TAFA5: variants seen among roughly 807,000 people sequenced by gnomAD.
The protein encoded by TAFA5 is TAFA chemokine like family member 5.
In TAFA5, 6 loss-of-function variants were observed where a neutral mutation model predicts 15.3. That is an observed-to-expected ratio of 0.39 (90% confidence interval 0.21 to 0.77). The LOEUF is 0.77. Ranked by LOEUF, TAFA5 falls within the 30% of genes least tolerant of loss-of-function variation. The probability of loss-of-function intolerance (pLI) is 0.41; values close to 1 mark genes in which losing one functional copy is unlikely to be tolerated. For missense variants in TAFA5, 161 were observed against 193.1 expected, an observed-to-expected ratio of 0.83 and a Z score of 0.98; for synonymous variants, 103 against 80.7, an observed-to-expected ratio of 1.28 and a Z score of -1.48.
intron 1 of TAFA5, among the ~76,000 whole-genome samples, chr22:48,620,592 C>G (rs1050719915): frequency 6.6e-6 from 1 of 151,118 alleles, no homozygotes; most frequent in African/African-American, 2.4e-5. Flanking sequence ...TCCGTCCACC[C>G]ACCCCCCTAC....
At chr22:48,534,697 GC>G (rs1256749191) in intron 1 of TAFA5, among the ~76,000 whole-genome samples, 8 of 152,172 alleles carry the variant, frequency 5.3e-5, no homozygotes, top group Non-Finnish European at 1.2e-4. Context: ...GAGAGGCTGC[GC>G]CCCCTCCACT....
At chr22:48,503,394 T>C (rs1920964768) in intron 1 of TAFA5, among the ~76,000 whole-genome samples, 1 of 152,234 alleles carries the variant, frequency 6.6e-6, no homozygotes, top group Non-Finnish European at 1.5e-5. Context: ...GCCAAGCACA[T>C]TGTGGACGGG....
intron 1 of TAFA5, among the ~76,000 whole-genome samples, chr22:48,570,734 G>A (rs537838746): frequency 2.0e-5 from 3 of 152,206 alleles, no homozygotes; most frequent in South Asian, 2.1e-4. Context: ...TTTACATTTC[G>A]CTTTCTACTA....
intron 1 of TAFA5, among the ~76,000 whole-genome samples, chr22:48,526,013 T>C (rs6520008): frequency 0.28 from 42,598 of 152,196 alleles, 8,118 homozygotes; most frequent in African/African-American, 0.55. Flanking sequence ...GAATGTGTAC[T>C]GGGCACCAGC....
intron 3 of TAFA5, among the ~76,000 whole-genome samples, chr22:48,716,190 G>T (rs189835016): frequency 6.6e-6 from 1 of 152,246 alleles, no homozygotes; most frequent in East Asian, 1.9e-4. Context: ...GATGCCTCCA[G>T]CTTTGTTCTT....
intron 3 of TAFA5, among the ~76,000 whole-genome samples, chr22:48,709,826 C>T (rs368554990): frequency 5.3e-4 from 80 of 152,372 alleles, no homozygotes; most frequent in African/African-American, 1.9e-3. Flanking sequence ...GGCAGCCCTG[C>T]TGAGCCAGTG....
chr22:48,501,411 C>T (rs1920950980), intron 1 of TAFA5, among the ~76,000 whole-genome samples: 1 of 152,214 alleles, frequency 6.6e-6, no homozygotes, highest in Non-Finnish European at 1.5e-5. Context: ...AGACAGGCTC[C>T]AGCACCCGGG....
At chr22:48,561,786 A>C (rs1923240106) in intron 1 of TAFA5, among the ~76,000 whole-genome samples, 1 of 152,158 alleles carries the variant, frequency 6.6e-6, no homozygotes, top group African/African-American at 2.4e-5. Flanking sequence ...TGAGTCACTG[A>C]CCTGGGCTTT....
At chr22:48,715,133 G>GT (rs1302808096) in intron 3 of TAFA5, among the ~76,000 whole-genome samples, 2 of 152,172 alleles carry the variant, frequency 1.3e-5, no homozygotes, top group African/African-American at 4.8e-5. Flanking sequence ...CATGAACTTT[G>GT]GGGGCCCCCC....
intron 1 of TAFA5, among the ~76,000 whole-genome samples, chr22:48,577,696 C>G (rs776428610): frequency 9.6e-4 from 146 of 152,344 alleles, no homozygotes; most frequent in Non-Finnish European, 1.8e-3. Context: ...GGCCCGAGAC[C>G]CTGTGACCTC....
intron 1 of TAFA5, among the ~76,000 whole-genome samples, chr22:48,567,233 T>C (rs537575482): frequency 1.3e-5 from 2 of 152,346 alleles, no homozygotes; most frequent in East Asian, 1.9e-4. Context: ...GAGCCCTCAC[T>C]TGGGGAGAGC....
At chr22:48,634,197 C>T (rs117008702) in intron 1 of TAFA5, among the ~76,000 whole-genome samples, 37 of 151,812 alleles carry the variant, frequency 2.4e-4, no homozygotes, top group Admixed American at 1.3e-4. Flanking sequence ...CATCACTCAC[C>T]CATCACTCAC....
rs937983111 is a variant in TAFA5 at position 48,749,752 on chromosome 22, G to T, written c.391-87G>T. On this transcript the variant is annotated intron_variant, in intron 3 of 3. Coordinates refer to ENST00000402357, the MANE Select transcript of TAFA5 (RefSeq NM_001082967.3). The stretch of plus-strand genomic sequence containing the variant: ...CCCTCCAGGAGGCCGGCTGGCAGGA[G>T]CCGGGGAGGGAAGAGGAGCCTGTGT... 5 of 1,477,674 alleles carry T rather than the reference G, an allele frequency of 3.4e-6. No homozygotes were observed. The African/African-American group carries it at 7.0e-5, about 21-fold the overall frequency. The allele number at this position is 1,477,674 out of a possible 1,614,324, so 91.5% of individuals were successfully genotyped here.
intron 1 of TAFA5, among the ~76,000 whole-genome samples, chr22:48,627,294 G>C (rs1482006559): frequency 6.6e-6 from 1 of 152,226 alleles, no homozygotes; most frequent in Non-Finnish European, 1.5e-5. Flanking sequence ...TTGGTACAGT[G>C]AAGGATGTGT....
At chr22:48,494,043 G>C (rs924838624) in intron 1 of TAFA5, among the ~76,000 whole-genome samples, 1 of 152,212 alleles carries the variant, frequency 6.6e-6, no homozygotes. Flanking sequence ...CAAGAAGGAG[G>C]CTCCACCTGA....
At chr22:48,535,593 C>T (rs1922128904) in intron 1 of TAFA5, among the ~76,000 whole-genome samples, 1 of 151,986 alleles carries the variant, frequency 6.6e-6, no homozygotes, top group Non-Finnish European at 1.5e-5. Context: ...TAGATGCAAG[C>T]ATGCTGCACA....
At chr22:48,510,629 C>T (rs1921176331) in intron 1 of TAFA5, among the ~76,000 whole-genome samples, 1 of 152,234 alleles carries the variant, frequency 6.6e-6, no homozygotes, top group Non-Finnish European at 1.5e-5. Context: ...GGGAACCTGG[C>T]TGTGTCATTG....
chr22:48,702,065 GC>G (rs1336598621), intron 2 of TAFA5, among the ~76,000 whole-genome samples: 1 of 152,164 alleles, frequency 6.6e-6, no homozygotes, highest in East Asian at 1.9e-4. Context: ...GAGCCAGGTG[GC>G]CCCGGGGATG....
intron 1 of TAFA5, among the ~76,000 whole-genome samples, chr22:48,644,788 G>A (rs753710295): frequency 9.2e-5 from 14 of 152,166 alleles, no homozygotes; most frequent in Non-Finnish European, 2.1e-4. Flanking sequence ...AGAGCACCCG[G>A]GCATTGCCTG....
Sources: allele counts gnomAD v4.1 joint callset (sites outside exome capture counted in the v4.1 genomes callset), GRCh38; gene constraint gnomAD v4.1.1; transcripts MANE v1.5; gene names NCBI Gene and HGNC (gene_info 2026-07-23, HGNC 2026-07-21).